The following DYNC1I1 variants were observed in gnomAD, a reference collection of about 807,000 sequenced individuals.
The protein encoded by DYNC1I1 is cytoplasmic dynein 1 intermediate chain 1.
DYNC1I1 carries 43 observed loss-of-function variants against 86.6 expected under a neutral mutation model. The observed-to-expected ratio is 0.50, with a 90% confidence interval of 0.39 to 0.64. The LOEUF is 0.64. Among genes scored for constraint, DYNC1I1 ranks in the 30% least tolerant of loss-of-function variants. The pLI, the probability that DYNC1I1 is intolerant of heterozygous loss-of-function variation, is 0.00. For missense variants in DYNC1I1, 604 were observed against 788.8 expected (o/e 0.77, Z 2.81); for synonymous variants, 262 against 283.7 (o/e 0.92, Z 0.77).
chr7:95,963,009 G>C (rs1447609595), intron 6 of DYNC1I1, among the ~76,000 whole-genome samples: 1 of 152,034 alleles, frequency 6.6e-6, no homozygotes, highest in Non-Finnish European at 1.5e-5. Flanking sequence ...GGCATTTCAG[G>C]CCTTCCATTA....
At position 96,076,137 on chromosome 7, in the gene DYNC1I1, T is replaced by A; in HGVS notation, c.1590T>A (p.Leu530=). The A allele has an allele frequency of 6.2e-7, 1 of 1,614,146 alleles. No individual in the cohort carries two copies. ...DVMWSPVHPA[L]FACVDGMGRL... is the part of the protein sequence containing the mutation. ...TGTGGTCCCCCGTGCATCCTGCGCT[T>A]TTTGCCTGCGTGGACGGGATGGGGC... The change falls in exon 15 of 17, where the codon CTT becomes CTA. Residue 530 remains leucine (L), a synonymous_variant. Coordinates refer to ENST00000447467, the MANE Select transcript of DYNC1I1 (RefSeq NM_001135556.2).
At chr7:95,940,037 T>C (rs1792160666) in intron 6 of DYNC1I1, among the ~76,000 whole-genome samples, 1 of 152,160 alleles carries the variant, frequency 6.6e-6, no homozygotes, top group African/African-American at 2.4e-5. Flanking sequence ...TAAAGTATTT[T>C]ATTTCTCCTT....
intron 9 of DYNC1I1, among the ~76,000 whole-genome samples, chr7:95,990,907 G>A (rs1319893718): frequency 1.3e-5 from 2 of 152,100 alleles, no homozygotes; most frequent in African/African-American, 4.8e-5. Context: ...GTGCATGCCT[G>A]CAGCCCCAGC....
intron 1 of DYNC1I1, among the ~76,000 whole-genome samples, chr7:95,800,863 C>G (rs1794560953): frequency 6.6e-6 from 1 of 152,260 alleles, no homozygotes; most frequent in Non-Finnish European, 1.5e-5. Flanking sequence ...ACAGGAATCT[C>G]TATAACTCAT....
At chr7:96,076,277 C>T (rs1790337274) in intron 15 of DYNC1I1, 80 bp downstream of exon 15, 2 of 1,551,214 alleles carry the variant, frequency 1.3e-6, no homozygotes, top group East Asian at 4.6e-5. Flanking sequence ...CCCTCTTTCT[C>T]CAAAACGGCC....
chr7:95,782,004 T>C (rs1794006383), intron 1 of DYNC1I1, among the ~76,000 whole-genome samples: 2 of 152,222 alleles, frequency 1.3e-5, no homozygotes, highest in Admixed American at 6.5e-5. Flanking sequence ...AAAAATTTTC[T>C]TGGCCACGTT....
chr7:95,925,798 T>A (rs1791730380), intron 6 of DYNC1I1, among the ~76,000 whole-genome samples: 1 of 152,202 alleles, frequency 6.6e-6, no homozygotes. Flanking sequence ...TTTTATTATG[T>A]GGAGTTGAAT....
At chr7:95,813,113 T>TTTAA in intron 3 of DYNC1I1, 134 bp from the exon 4 acceptor site, 2 of 1,283,304 alleles carry the variant, frequency 1.6e-6, no homozygotes, top group African/African-American at 1.6e-5. Flanking sequence ...TTTTTCTTTA[T>TTTAA]CCCATCTCAA....
At chr7:95,810,548 T>C in intron 3 of DYNC1I1, 42 bp downstream of exon 3, 1 of 1,535,110 alleles carries the variant, frequency 6.5e-7, no homozygotes, top group Non-Finnish European at 8.9e-7. Context: ...CAAAATCAAC[T>C]TGCGTGGGAT....
intron 11 of DYNC1I1, among the ~76,000 whole-genome samples, 195 bp from the exon 12 acceptor site, chr7:96,032,472 C>T (rs1022995128): frequency 3.3e-5 from 5 of 152,118 alleles, no homozygotes; most frequent in Admixed American, 6.6e-5. Context: ...TAAGTATTTC[C>T]ACTATTATGT....
intron 5 of DYNC1I1, 51 bp downstream of exon 5, chr7:95,828,167 G>C: frequency 5.0e-6 from 8 of 1,594,978 alleles, no homozygotes; most frequent in Non-Finnish European, 6.9e-6. Flanking sequence ...TGCTACAGTT[G>C]TGTTGAAATG....
At chr7:95,980,589 GA>G (rs1279533161) in intron 7 of DYNC1I1, among the ~76,000 whole-genome samples, 21 of 143,098 alleles carry the variant, frequency 1.5e-4, no homozygotes, top group Admixed American at 1.4e-3. Flanking sequence ...AAAAGGTGGT[GA>G]GGGGGACATG....
At chr7:95,877,281 T>G (rs1428181546) in intron 6 of DYNC1I1, among the ~76,000 whole-genome samples, 2 of 152,222 alleles carry the variant, frequency 1.3e-5, no homozygotes, top group African/African-American at 2.4e-5. Context: ...GATGGAGATT[T>G]TACCTTGGCT....
At chr7:95,939,150 T>G (rs1306946779) in intron 6 of DYNC1I1, among the ~76,000 whole-genome samples, 1 of 152,218 alleles carries the variant, frequency 6.6e-6, no homozygotes, top group Non-Finnish European at 1.5e-5. Flanking sequence ...GATTGCACTG[T>G]GGTCTGAGAG....
intron 3 of DYNC1I1, among the ~76,000 whole-genome samples, chr7:95,811,509 T>C (rs780407935): frequency 4.6e-5 from 7 of 152,030 alleles, no homozygotes; most frequent in Non-Finnish European, 4.4e-5. Flanking sequence ...TTTATATCAA[T>C]GTGAATAAGA....
At chr7:96,037,662 A>G (rs1278217579) in intron 13 of DYNC1I1, among the ~76,000 whole-genome samples, 3 of 152,182 alleles carry the variant, frequency 2.0e-5, no homozygotes, top group Non-Finnish European at 2.9e-5. Flanking sequence ...TATAAAGTGA[A>G]TAACATTTTA....
chr7:95,977,486 T>C, intron 6 of DYNC1I1, 26 bp from the exon 7 acceptor site: 2 of 1,603,482 alleles, frequency 1.2e-6, no homozygotes, highest in Non-Finnish European at 1.7e-6. Context: ...AAGAAAATAT[T>C]GTATTTTTCT....
Position 96,076,089 on chromosome 7 carries a change from T to C in DYNC1I1, c.1542T>C (p.Asn514=). 6.2e-7 allele frequency: 1 copy of C among 1,614,228 alleles called. No individual in the cohort carries two copies. Among genetic ancestry groups the C allele is most frequent in the South Asian group, 1.1e-5 (1 of 91,086 alleles). Residue 514 remains asparagine, a synonymous_variant, in exon 15 of 17, where the codon AAT becomes AAC. Coordinates refer to ENST00000447467, the MANE Select transcript of DYNC1I1 (RefSeq NM_001135556.2). ...HNKPLYSFED[N]ADYVYDVMWS... is the part of the protein sequence containing the mutation. ...AGCCGCTCTACTCCTTTGAAGACAA[T>C]GCAGACTATGTGTACGATGTCATGT...
chr7:96,098,270 C>T lies in DYNC1I1; in HGVS notation c.*677C>T, dbSNP rs927592678. ...ATCTTTAGAGGTTTCTTGCAGTGAA[C>T]GAAATGAATTTTAATGCCTATTATT... On this transcript the variant is annotated 3_prime_UTR_variant, in exon 17 of 17. Transcript: ENST00000447467. 32 of 985,654 alleles carry T rather than the reference C, an allele frequency of 3.2e-5. No homozygotes were observed. The highest frequency in any genetic ancestry group is 2.3e-4 in the East Asian group (2 of 8,828). The allele number at this position is 985,654 out of a possible 1,614,324, so 61.1% of individuals were successfully genotyped here.
Sources: allele counts gnomAD v4.1 joint callset (sites outside exome capture counted in the v4.1 genomes callset), GRCh38; gene constraint gnomAD v4.1.1; transcripts MANE v1.5; gene names NCBI Gene and HGNC (gene_info 2026-07-23, HGNC 2026-07-21).